TGM2: variants seen among roughly 807,000 people sequenced by gnomAD.
TGM2 encodes protein-glutamine gamma-glutamyltransferase 2.
In TGM2, 53 loss-of-function variants were observed where a neutral mutation model predicts 75.6. The ratio of observed to expected loss-of-function variants is 0.70; its 90% CI spans 0.56 to 0.88. TGM2 has a LOEUF of 0.88. TGM2 is among the 40% of genes least tolerant of loss of function. TGM2 has a pLI of 0.00. For synonymous variants in TGM2, 374 were observed against 381.1 expected (o/e 0.98, Z 0.22); for missense variants, 842 against 928.5 (o/e 0.91, Z 1.21).
intron 1 of TGM2, among the ~76,000 whole-genome samples, chr20:38,164,182 G>A (rs1197619283): frequency 3.9e-5 from 6 of 152,228 alleles, no homozygotes; most frequent in Admixed American, 3.9e-4. Flanking sequence ...AGTGTGTTGG[G>A]AGCTGGGCCC....
At chr20:38,148,227 A>G in intron 4 of TGM2, 138 bp from the exon 5 acceptor site, 1 of 1,118,116 alleles carries the variant, frequency 8.9e-7, no homozygotes, top group Admixed American at 2.0e-5. Flanking sequence ...AGTCTACCAA[A>G]TCTCTCTGGT....
intron 5 of TGM2, 121 bp from the exon 6 acceptor site, chr20:38,147,015 G>C (rs1403153095): frequency 2.7e-6 from 3 of 1,096,228 alleles, no homozygotes; most frequent in Non-Finnish European, 4.0e-6. Context: ...GGTGAGGAAA[G>C]AGCAGGTGCA....
rs554438251 is a variant in TGM2 at position 38,148,160 on chromosome 20, G to A, written c.553-71C>T. On this transcript the variant is annotated intron_variant, in intron 4 of 12. Transcript: ENST00000361475. ...CCTCCTCCAGGAAGCCTGCGTTGAA[G>A]CCTCCAGCAGCTGTTTCCCACTCTG... 9 of 1,598,204 alleles carry A rather than the reference G, an allele frequency of 5.6e-6. No homozygotes were observed. In the African/African-American group the frequency reaches 8.0e-5, roughly 14 times the overall value.
At chr20:38,157,899 A>G (rs1316249193) in intron 2 of TGM2, among the ~76,000 whole-genome samples, 1 of 152,242 alleles carries the variant, frequency 6.6e-6, no homozygotes, top group Non-Finnish European at 1.5e-5. Flanking sequence ...TTCTCAGGCC[A>G]AATAGCAGAT....
At chr20:38,143,772 T>C (rs1282596344) in intron 6 of TGM2, among the ~76,000 whole-genome samples, 1 of 152,278 alleles carries the variant, frequency 6.6e-6, no homozygotes, top group Non-Finnish European at 1.5e-5. Context: ...TAAGGTAATC[T>C]GTGGGACTTT....
In TGM2 at chr20:38,141,399, G is replaced by T. The variant is rs560966988; in HGVS notation, c.996-14C>A. On this transcript the variant is annotated splice_polypyrimidine_tract_variant and intron_variant, in intron 7 of 12. Transcript: ENST00000361475. ...CAGTGGAAGTTCCTGAGGGGGATAG[G>T]GGGGCGGGAATGAAGCAGAACATGA... The T allele has an allele frequency of 6.0e-5, 93 of 1,557,694 alleles. No homozygotes were observed. Among genetic ancestry groups the T allele is most frequent in the African/African-American group, 4.9e-4 (36 of 73,870 alleles).
rs555378235 is a variant in TGM2 at position 38,151,310 on chromosome 20, C to T, written c.434-253G>A. Among the ~76,000 whole-genome samples the T allele has an allele frequency of 5.6e-4, 85 of 152,288 alleles. 1 individual carries two copies. The highest frequency in any genetic ancestry group is 2.1e-4 in the South Asian group (1 of 4,822). ...CCAGGACCTGTGATAAATGTATGACCTGTATTAATAAATTTAATCTCCAGA... is the reference window on the plus strand; with the variant it reads ...CCAGGACCTGTGATAAATGTATGACTTGTATTAATAAATTTAATCTCCAGA... On this transcript the variant is annotated intron_variant, in intron 3 of 12. Coordinates refer to ENST00000361475, the MANE Select transcript of TGM2 (RefSeq NM_004613.4).
Position 38,155,847 on chromosome 20 carries a change from C to T in TGM2, c.433G>A (p.Ala145Thr), listed in dbSNP as rs1219035223. 1.3e-6 allele frequency: 2 copies of T among 1,596,698 alleles called. No homozygotes were observed. Residue 145 changes from alanine to threonine, a missense_variant and splice_region_variant, in exon 3 of 13, where the codon GCG becomes ACG. By Grantham distance (58) the Ala-to-Thr change is moderately conservative (BLOSUM62 0). Coordinates refer to ENST00000361475, the MANE Select transcript of TGM2 (RefSeq NM_004613.4). The stretch of plus-strand genomic sequence containing the variant: ...TGTGAGTGGATGGCGTGTGGCTCAC[C>T]TGGGCACCAGGCGTTGAAGAGCAAA... ...FILLFNAWCP[A>T]DAVYLDSEEE...
chr20:38,142,002 A>G (rs1290350185), intron 7 of TGM2, 62 bp downstream of exon 7: 2 of 1,604,320 alleles, frequency 1.2e-6, no homozygotes, highest in African/African-American at 2.7e-5. Flanking sequence ...AAGCCCTCCA[A>G]GGTTTCCTCT....
chr20:38,133,077 CGTT>C (rs1392574293), intron 10 of TGM2: 6 of 355,232 alleles, frequency 1.7e-5, no homozygotes, highest in African/African-American at 1.3e-4. Flanking sequence ...GGTGAAATAA[CGTT>C]GTCCTAGGTC....
chr20:38,150,836 CTG>C, intron 4 of TGM2, 101 bp downstream of exon 4: 1 of 896,424 alleles, frequency 1.1e-6, no homozygotes, highest in Non-Finnish European at 1.9e-6. Flanking sequence ...GTGGGTGACT[CTG>C]TGACTCACTC....
At chr20:38,160,975 G>A (rs2075245251) in intron 2 of TGM2, among the ~76,000 whole-genome samples, 2 of 152,054 alleles carry the variant, frequency 1.3e-5, no homozygotes, top group East Asian at 3.9e-4. Flanking sequence ...TTGTGGATAG[G>A]AATTTTTTTA....
Position 38,131,128 on chromosome 20 carries a change from C to T in TGM2, c.1878G>A (p.Gly626=), listed in dbSNP as rs1225932462. The T allele has an allele frequency of 6.2e-7, 1 of 1,613,488 alleles. No individual in the cohort carries two copies. Among genetic ancestry groups the T allele is most frequent in the Middle Eastern group, 1.6e-4 (1 of 6,062 alleles). The change falls in exon 12 of 13, where the codon GGG becomes GGA. Residue 626 remains glycine (G), a synonymous_variant. Coordinates refer to ENST00000361475, the MANE Select transcript of TGM2 (RefSeq NM_004613.4). ...ALEGCTFTVE[G]AGLTEEQKTV... ...TCTTCTGCTCCTCAGTCAGGCCGGC[C>T]CCCTCCACAGTGAAGGTGCAGCCTT...
At chr20:38,131,345 G>T in intron 11 of TGM2, 116 bp from the exon 12 acceptor site, 1 of 1,418,476 alleles carries the variant, frequency 7.0e-7, no homozygotes, top group Non-Finnish European at 9.6e-7. Flanking sequence ...GGTCTGCCAC[G>T]ATCACCCCCC....
intron 8 of TGM2, 135 bp from the exon 9 acceptor site, chr20:38,139,789 C>G (rs1458489881): frequency 1.8e-5 from 21 of 1,186,818 alleles, no homozygotes; most frequent in Non-Finnish European, 2.2e-5. Flanking sequence ...GACTCCACTT[C>G]CAGGAGGGCA....
At chr20:38,151,899 A>G (rs1297352640) in intron 3 of TGM2, among the ~76,000 whole-genome samples, 1 of 152,144 alleles carries the variant, frequency 6.6e-6, no homozygotes, top group African/African-American at 2.4e-5. Context: ...AAGTTGGGGC[A>G]AGATGGTAGG....
rs752070466 is a variant in TGM2 at position 38,147,996 on chromosome 20, T to G, written c.646A>C (p.Ser216Arg). 2 of 1,613,434 alleles carry G rather than the reference T, an allele frequency of 1.2e-6. No individual in the cohort carries two copies. Among genetic ancestry groups the G allele is most frequent in the Non-Finnish European group, 1.7e-6 (2 of 1,179,940 alleles). ...NAGRDCSRRS[S>R]PVYVGRVVSG... ...ACCACCCGGCCCACGTAGACGGGGC[T>G]GCTGCGGCGGGAGCAGTCACGGCCG... The change falls in exon 5 of 13, where the codon AGC becomes CGC. Residue 216 changes from serine (S) to arginine (R), a missense_variant. Transcript: ENST00000361475.
At chr20:38,132,907 C>T (rs1156697074) in intron 10 of TGM2, 6 of 454,998 alleles carry the variant, frequency 1.3e-5, no homozygotes, top group Middle Eastern at 3.2e-4. Context: ...GTGTGAGCCG[C>T]GGGCCCTTCA....
At chr20:38,167,234 GCGTTAGC>G (rs1015878351), upstream of TGM2, among the ~76,000 whole-genome samples, 2 of 152,164 alleles carry the variant, frequency 1.3e-5, no homozygotes, top group African/African-American at 4.8e-5. Flanking sequence ...GTTTCCACAG[GCGTTAGC>G]CCTGCCCCAG....
Sources: gnomAD v4.1 joint callset for allele counts (sites outside exome capture counted in the v4.1 genomes callset) on GRCh38, gnomAD v4.1.1 for gene constraint, MANE v1.5 for transcripts, NCBI Gene and HGNC (gene_info 2026-07-23, HGNC 2026-07-21) for gene names.